SENP7: variants seen among roughly 807,000 people sequenced by gnomAD.
SENP7 encodes SUMO specific peptidase 7.
SENP7 carries 64 observed loss-of-function variants against 141.2 expected under a neutral mutation model. The ratio of observed to expected loss-of-function variants is 0.45; its 90% CI spans 0.37 to 0.56. The LOEUF is 0.56. Ranked by LOEUF, SENP7 falls within the 20% of genes least tolerant of loss-of-function variation. The probability of loss-of-function intolerance (pLI) is 0.00; values close to 1 mark genes in which losing one functional copy is unlikely to be tolerated. For missense variants in SENP7, 1,025 were observed against 1,212.2 expected (o/e 0.85, Z 2.29); for synonymous variants, 382 against 426.4 (o/e 0.90, Z 1.28).
At position 101,432,815 on chromosome 3, in the gene SENP7, GCA is replaced by G. The variant is rs1394754538; in HGVS notation, c.285-15027_285-15026del. On this transcript the variant is annotated intron_variant, in intron 4 of 23. Coordinates refer to ENST00000394095, the MANE Select transcript of SENP7 (RefSeq NM_020654.5). ...TCCCAAAAAGGATGGCTACAAGTAA[GCA>G]CAGATAGAGAAGACTACAATAAAAA... Among the ~76,000 whole-genome samples, 4 of 152,156 alleles carry G rather than the reference GCA, an allele frequency of 2.6e-5. No individual in the cohort carries two copies. In the East Asian group the frequency reaches 7.7e-4, roughly 29 times the overall value.
chr3:101,410,933 C>T (rs905688283), intron 5 of SENP7, among the ~76,000 whole-genome samples: 1 of 148,662 alleles, frequency 6.7e-6, no homozygotes, highest in Non-Finnish European at 1.5e-5. Flanking sequence ...TCCTACTTTA[C>T]TGATGACAAA....
intron 4 of SENP7, among the ~76,000 whole-genome samples, chr3:101,446,519 C>A (rs1260054753): frequency 6.6e-6 from 1 of 152,024 alleles, no homozygotes; most frequent in East Asian, 1.9e-4. Context: ...TGAAAGGACA[C>A]AAAACAAATC....
chr3:101,477,850 CAA>C (rs201860020), intron 3 of SENP7, among the ~76,000 whole-genome samples: 2 of 109,180 alleles, frequency 1.8e-5, no homozygotes. Context: ...GTCTCCATCT[CAA>C]AAAAAAAAAA....
At chr3:101,452,376 T>C (rs1187647913) in intron 4 of SENP7, among the ~76,000 whole-genome samples, 1 of 152,178 alleles carries the variant, frequency 6.6e-6, no homozygotes, top group Non-Finnish European at 1.5e-5. Flanking sequence ...TTAAAGTTCA[T>C]ATGGAACCAA....
chr3:101,348,649 A>T (rs1386383492), intron 12 of SENP7, among the ~76,000 whole-genome samples: 1 of 152,158 alleles, frequency 6.6e-6, no homozygotes, highest in Non-Finnish European at 1.5e-5. Context: ...GAGGTTCTGA[A>T]TGGTCTAAGG....
At chr3:101,342,520 T>A (rs1033969014) in intron 14 of SENP7, among the ~76,000 whole-genome samples, 1 of 152,224 alleles carries the variant, frequency 6.6e-6, no homozygotes, top group Non-Finnish European at 1.5e-5. Context: ...TACACAACCA[T>A]AATACAATGA....
chr3:101,451,095 C>A (rs569494968), intron 4 of SENP7, among the ~76,000 whole-genome samples: 1 of 152,262 alleles, frequency 6.6e-6, no homozygotes, highest in East Asian at 1.9e-4. Flanking sequence ...CACCTCTACG[C>A]GAATAAACTA....
intron 3 of SENP7, among the ~76,000 whole-genome samples, chr3:101,487,834 C>T (rs1169842437): frequency 6.6e-6 from 1 of 152,090 alleles, no homozygotes; most frequent in Admixed American, 6.5e-5. Flanking sequence ...TGTTTTTATA[C>T]CTGTACCATG....
chr3:101,328,787 A>C, intron 20 of SENP7, 98 bp from the exon 21 acceptor site: 1 of 863,032 alleles, frequency 1.2e-6, no homozygotes, highest in Non-Finnish European at 1.8e-6. Context: ...TGAAGTTAAA[A>C]TTTCAAGTAA....
chr3:101,499,939 A>G (rs1378968326), intron 2 of SENP7, among the ~76,000 whole-genome samples: 2 of 151,832 alleles, frequency 1.3e-5, no homozygotes, highest in African/African-American at 4.8e-5. Context: ...ATTTTTTTTA[A>G]CCTCCTATTT....
intron 5 of SENP7, among the ~76,000 whole-genome samples, chr3:101,403,253 G>A (rs1489189285): frequency 6.6e-6 from 1 of 152,180 alleles, no homozygotes; most frequent in African/African-American, 2.4e-5. Flanking sequence ...TCTATTAAGT[G>A]TGCAATGGCA....
At chr3:101,453,149 A>C (rs2063211861) in intron 4 of SENP7, among the ~76,000 whole-genome samples, 1 of 152,246 alleles carries the variant, frequency 6.6e-6, no homozygotes, top group African/African-American at 2.4e-5. Context: ...AGAAATGCAA[A>C]TCAAAACCAC....
At chr3:101,349,170 T>C (rs2059549558) in intron 12 of SENP7, among the ~76,000 whole-genome samples, 1 of 152,184 alleles carries the variant, frequency 6.6e-6, no homozygotes, top group African/African-American at 2.4e-5. Flanking sequence ...CCAGTCATCT[T>C]AATGTTCCCA....
intron 6 of SENP7, among the ~76,000 whole-genome samples, chr3:101,383,081 C>G (rs1454896808): frequency 6.6e-6 from 1 of 152,204 alleles, no homozygotes; most frequent in Non-Finnish European, 1.5e-5. Flanking sequence ...GACCAAATCT[C>G]ATAGTGAACT....
chr3:101,430,662 G>T (rs1426355196), intron 4 of SENP7, among the ~76,000 whole-genome samples: 1 of 152,012 alleles, frequency 6.6e-6, no homozygotes, highest in Admixed American at 6.6e-5. Flanking sequence ...CTGATTTTTT[G>T]AAGGGTTTTT....
At chr3:101,415,977 C>T (rs1318572826) in intron 5 of SENP7, among the ~76,000 whole-genome samples, 1 of 151,580 alleles carries the variant, frequency 6.6e-6, no homozygotes, top group Admixed American at 6.6e-5. Context: ...TGTTAAATGA[C>T]TGGATATAAG....
intron 6 of SENP7, among the ~76,000 whole-genome samples, chr3:101,374,417 A>G (rs2060262366): frequency 6.6e-6 from 1 of 152,182 alleles, no homozygotes; most frequent in Non-Finnish European, 1.5e-5. Context: ...TGATATAACA[A>G]CAAAAACACA....
At chr3:101,484,485 A>G (rs1273084655) in intron 3 of SENP7, among the ~76,000 whole-genome samples, 1 of 152,122 alleles carries the variant, frequency 6.6e-6, no homozygotes, top group East Asian at 1.9e-4. Flanking sequence ...CAATCCCGAG[A>G]GGGCCCACAG....
intron 4 of SENP7, among the ~76,000 whole-genome samples, chr3:101,448,485 C>G (rs13317376): frequency 0.4 from 60,326 of 151,988 alleles, 12,477 homozygotes; most frequent in Admixed American, 0.54. Context: ...GACCCTGTTT[C>G]CCTGAGTATC....
Sources: allele counts gnomAD v4.1 joint callset (sites outside exome capture counted in the v4.1 genomes callset), GRCh38; gene constraint gnomAD v4.1.1; transcripts MANE v1.5; gene names NCBI Gene and HGNC (gene_info 2026-07-23, HGNC 2026-07-21).